The following SENP7 variants were observed in gnomAD, a reference collection of about 807,000 sequenced individuals.
SENP7 encodes the protein SUMO specific peptidase 7.
SENP7 carries 64 observed loss-of-function variants against 141.2 expected under a neutral mutation model. The ratio of observed to expected loss-of-function variants is 0.45; its 90% CI spans 0.37 to 0.56. The LOEUF (loss-of-function observed/expected upper bound fraction) is 0.56. SENP7 is among the 20% of genes least tolerant of loss of function. SENP7 has a pLI of 0.00. For synonymous variants in SENP7, 382 were observed against 426.4 expected, an observed-to-expected ratio of 0.90 and a Z score of 1.28; for missense variants, 1,025 against 1,212.2, an observed-to-expected ratio of 0.85 and a Z score of 2.29.
intron 3 of SENP7, among the ~76,000 whole-genome samples, chr3:101,459,820 T>G (rs781686819): frequency 3.3e-5 from 5 of 152,104 alleles, no homozygotes; most frequent in Non-Finnish European, 5.9e-5. Context: ...TTAAGGTTGC[T>G]CGACTAATTC....
At chr3:101,470,689 T>C (rs910573940) in intron 3 of SENP7, among the ~76,000 whole-genome samples, 5 of 152,166 alleles carry the variant, frequency 3.3e-5, no homozygotes, top group Non-Finnish European at 7.3e-5. Context: ...AGTATTCAAT[T>C]AGGAAATGAG....
rs139657669 is a variant in SENP7 at position 101,375,790 on chromosome 3, A to G, written c.678-3664T>C. ...ATACAATAAAATATTATTGGGCCAT[A>G]AAAAGGAATGAACTTGTGATAAGTG... On this transcript the variant is annotated intron_variant, in intron 6 of 23. Coordinates refer to ENST00000394095, the MANE Select transcript of SENP7 (RefSeq NM_020654.5). Among the ~76,000 whole-genome samples the G allele has an allele frequency of 3.8e-4, 58 of 152,324 alleles. No homozygotes were observed. In the East Asian group the frequency reaches 9.9e-3, roughly 26 times the overall value.
intron 15 of SENP7, 88 bp from the exon 16 acceptor site, chr3:101,340,299 T>C: frequency 7.0e-7 from 1 of 1,426,892 alleles, no homozygotes; most frequent in Non-Finnish European, 9.3e-7. Context: ...AACTGGGCAG[T>C]GGTATTCTGT....
chr3:101,333,736 T>C (rs909003720), intron 17 of SENP7, among the ~76,000 whole-genome samples: 1 of 152,148 alleles, frequency 6.6e-6, no homozygotes, highest in Non-Finnish European at 1.5e-5. Context: ...TAAAAACAAA[T>C]AATGAAAGTC....
intron 7 of SENP7, among the ~76,000 whole-genome samples, chr3:101,371,316 G>C (rs1223387508): frequency 6.6e-6 from 1 of 152,008 alleles, no homozygotes; most frequent in Non-Finnish European, 1.5e-5. Context: ...AAGAAAAAGA[G>C]AAAGAGAAAA....
intron 5 of SENP7, among the ~76,000 whole-genome samples, chr3:101,415,937 G>GC (rs1298448457): frequency 5.5e-5 from 8 of 144,866 alleles, no homozygotes; most frequent in East Asian, 2.0e-4. Context: ...ATTTTCTACC[G>GC]CCCCCCAAAA....
intron 3 of SENP7, among the ~76,000 whole-genome samples, chr3:101,468,161 A>G (rs970168182): frequency 1.2e-4 from 19 of 152,348 alleles, no homozygotes; most frequent in African/African-American, 4.6e-4. Context: ...TTAGAGAAAA[A>G]AGAGTAAAAA....
intron 4 of SENP7, among the ~76,000 whole-genome samples, chr3:101,428,353 C>T (rs549563548): frequency 6.6e-6 from 1 of 152,318 alleles, no homozygotes; most frequent in African/African-American, 2.4e-5. Flanking sequence ...TCCTCTCCAG[C>T]ATCTGCTGTT....
intron 11 of SENP7, 117 bp from the exon 12 acceptor site, chr3:101,351,768 C>A (rs13100486): frequency 1.6e-5 from 12 of 764,734 alleles, no homozygotes; most frequent in Admixed American, 4.6e-5. Context: ...GTGCTCAAGC[C>A]TTTTTATCAA....
intron 1 of SENP7, among the ~76,000 whole-genome samples, chr3:101,506,622 ACAACT>A (rs1370746965): frequency 6.6e-6 from 1 of 152,244 alleles, no homozygotes; most frequent in East Asian, 1.9e-4. Flanking sequence ...TAGACATTAG[ACAACT>A]CAGCAAGCTA....
At chr3:101,332,746 T>C in intron 18 of SENP7, 24 bp downstream of exon 18, 1 of 1,438,082 alleles carries the variant, frequency 7.0e-7, no homozygotes, top group South Asian at 1.6e-5. Context: ...TCCAATATGT[T>C]CTTAAATAAT....
At chr3:101,479,420 A>T (rs1163271736) in intron 3 of SENP7, among the ~76,000 whole-genome samples, 2 of 152,276 alleles carry the variant, frequency 1.3e-5, no homozygotes, top group Admixed American at 6.5e-5. Context: ...ACATGGCAAG[A>T]CACCATCCTC....
intron 6 of SENP7, among the ~76,000 whole-genome samples, chr3:101,393,063 T>C (rs914939950): frequency 5.3e-5 from 8 of 152,176 alleles, no homozygotes; most frequent in Admixed American, 6.5e-5. Context: ...CAATTGACTT[T>C]CAACAAAGGC....
intron 15 of SENP7, chr3:101,340,485 G>T: frequency 1.3e-5 from 4 of 319,906 alleles, no homozygotes; most frequent in South Asian, 5.0e-5. Flanking sequence ...CTAATCAATA[G>T]GTTTTATCTC....
At chr3:101,421,399 A>C (rs771504230) in intron 4 of SENP7, among the ~76,000 whole-genome samples, 2 of 152,242 alleles carry the variant, frequency 1.3e-5, no homozygotes, top group Non-Finnish European at 2.9e-5. Flanking sequence ...CAAAACTTTA[A>C]GGAAATTTAT....
chr3:101,395,741 A>AT (rs2060949223), intron 6 of SENP7, among the ~76,000 whole-genome samples: 1 of 152,262 alleles, frequency 6.6e-6, no homozygotes, highest in Non-Finnish European at 1.5e-5. Flanking sequence ...TAACAAAGCC[A>AT]TAACAATTGC....
Position 101,501,181 on chromosome 3 carries a change from G to C in SENP7, c.41-62C>G. 1.9e-6 allele frequency: 2 copies of C among 1,078,946 alleles called. 1 individual carries two copies. Among genetic ancestry groups the C allele is most frequent in the South Asian group, 2.8e-5 (2 of 72,158 alleles). 66.8% of individuals were successfully genotyped at this position (1,078,946 alleles called of 1,614,324 possible). ...AACATCTAAATGAGATAAACAGTTT[G>C]ACAAAGGAGATTCTTTCACATTCAT... On this transcript the variant is annotated intron_variant, in intron 1 of 23. Coordinates refer to ENST00000394095, the MANE Select transcript of SENP7 (RefSeq NM_020654.5).
chr3:101,510,935 C>A (rs373675046), intron 1 of SENP7, among the ~76,000 whole-genome samples: 1 of 151,390 alleles, frequency 6.6e-6, no homozygotes, highest in East Asian at 1.9e-4. Flanking sequence ...AACCACTACA[C>A]GGAATCTTTC....
At chr3:101,395,453 T>A (rs2060939901) in intron 6 of SENP7, among the ~76,000 whole-genome samples, 1 of 152,216 alleles carries the variant, frequency 6.6e-6, no homozygotes, top group Non-Finnish European at 1.5e-5. Context: ...GCTGTAAATA[T>A]ATGGATTTAT....
Sources: gnomAD v4.1 joint callset for allele counts (sites outside exome capture counted in the v4.1 genomes callset) on GRCh38, gnomAD v4.1.1 for gene constraint, MANE v1.5 for transcripts, NCBI Gene and HGNC (gene_info 2026-07-23, HGNC 2026-07-21) for gene names.